Variants in ALOX12B observed in about 807,000 individuals in gnomAD.
The protein encoded by ALOX12B is arachidonate 12-lipoxygenase, 12R-type.
A neutral mutation model predicts 78.9 loss-of-function variants in ALOX12B; 47 were observed. The ratio of observed to expected loss-of-function variants is 0.60; its 90% CI spans 0.47 to 0.76. The LOEUF (loss-of-function observed/expected upper bound fraction) is 0.76. ALOX12B is among the 30% of genes least tolerant of loss of function. ALOX12B has a pLI of 0.00. For missense variants in ALOX12B, 805 were observed against 922.6 expected, an observed-to-expected ratio of 0.87 and a Z score of 1.65; for synonymous variants, 370 against 374.5, an observed-to-expected ratio of 0.99 and a Z score of 0.14.
At position 8,079,785 on chromosome 17, in the gene ALOX12B, A is replaced by C; in HGVS notation, c.911T>G (p.Leu304Trp). Residue 304 changes from leucine (L) to tryptophan (W), a missense_variant, in exon 7 of 15, where the codon TTG (leucine) becomes TGG (tryptophan). Transcript: ENST00000647874. The surrounding 1 kb of genome is among the most constrained non-coding windows in gnomAD (Gnocchi z 6.4). ...VAPFLGEGTC[L>W]QAELEKGNIY... ...GGGCCTCACCTCCAGCTCCGCTTGC[A>C]AGCACGTTCCCTCGCCCAGGAACGG... 6.2e-7 allele frequency: 1 copy of C among 1,612,694 alleles called. No homozygotes were observed. Among genetic ancestry groups the C allele is most frequent in the Non-Finnish European group, 8.5e-7 (1 of 1,179,798 alleles).
chr17:8,073,092 C>G, intron 14 of ALOX12B, 56 bp downstream of exon 14: 1 of 1,612,064 alleles, frequency 6.2e-7, no homozygotes, highest in Non-Finnish European at 8.5e-7. Flanking sequence ...TATCCTCCCC[C>G]ATCCCCGGCT....
Position 8,079,435 on chromosome 17 carries a change from G to C in ALOX12B, c.1032C>G (p.His344Gln). ...GCATCATCTTGCCCTCGGGTCCAAA[G>C]TGCAGCAGGCAGAGGGGGGCGCAGT... Reference protein sequence around the residue: ...QHHCAPLCLLHFGPEGKMMPI... With the variant: ...QHHCAPLCLLQFGPEGKMMPI... The change falls in exon 8 of 15, where the codon CAC (histidine) becomes CAG (glutamine). Residue 344 changes from histidine to glutamine, a missense_variant. Transcript: ENST00000647874. The surrounding 1 kb of genome is among the most constrained non-coding windows in gnomAD (Gnocchi z 6.4). 6.4e-7 allele frequency: 1 copy of C among 1,551,432 alleles called. No individual in the cohort carries two copies. Among genetic ancestry groups the C allele is most frequent in the Non-Finnish European group, 8.7e-7 (1 of 1,147,188 alleles).
rs1481642422 is a variant in ALOX12B, at chr17:8,079,967, CA to C, written c.755-27del. ...CTGCGAGGACGGCGCGAGGGCGTCACAAGGAGGCCCGGCCCCCCTCGGGGAC... is the reference window on the plus strand; with the variant it reads ...CTGCGAGGACGGCGCGAGGGCGTCACAGGAGGCCCGGCCCCCCTCGGGGAC... On this transcript the variant is annotated intron_variant, in intron 6 of 14. Coordinates refer to ENST00000647874, the MANE Select transcript of ALOX12B (RefSeq NM_001139.3). The surrounding 1 kb of genome is among the most constrained non-coding windows in gnomAD (Gnocchi z 6.4). 6.2e-7 allele frequency: 1 copy of C among 1,604,484 alleles called. No individual in the cohort carries two copies. The highest frequency in any genetic ancestry group is 1.3e-5 in the African/African-American group (1 of 74,776).
chr17:8,084,824 G>A (rs1165061906), intron 2 of ALOX12B, among the ~76,000 whole-genome samples: 6 of 152,198 alleles, frequency 3.9e-5, no homozygotes, highest in East Asian at 3.9e-4. Flanking sequence ...CTCAGGTGGT[G>A]GAACTGGGAG....
rs564636057 is a variant in ALOX12B, at chr17:8,083,469, G to A, written c.353-2282C>T. On this transcript the variant is annotated intron_variant, in intron 2 of 14. Transcript: ENST00000647874. ...GTTCAGGCCAGGTGCGGTGGTTCACGCCTGTAATCCCAGCACTTTGGGCGG... is the reference window on the plus strand; with the variant it reads ...GTTCAGGCCAGGTGCGGTGGTTCACACCTGTAATCCCAGCACTTTGGGCGG... Among the ~76,000 whole-genome samples the A allele has an allele frequency of 6.3e-4, 96 of 152,078 alleles. 1 individual carries two copies. The highest frequency in any genetic ancestry group is 4.1e-3 in the South Asian group (20 of 4,820).
At position 8,076,726 on chromosome 17, in the gene ALOX12B, G is replaced by C. The variant is rs751328572; in HGVS notation, c.1293C>G (p.Thr431=). Residue 431 remains threonine, a synonymous_variant, in exon 10 of 15, where the codon ACC becomes ACG. Transcript: ENST00000647874. ...HPLYKLLIPH[T]RYTVQINSIG... ...TGCTGTTGATCTGGACGGTGTATCG[G>C]GTATGGGGGATGAGGAGCTGTGGGG... The C allele has an allele frequency of 6.4e-7, 1 of 1,550,552 alleles. No homozygotes were observed. The highest frequency in any genetic ancestry group is 1.2e-5 in the South Asian group (1 of 84,004).
Position 8,080,877 on chromosome 17 carries a change from T to G in ALOX12B, c.527+7A>C. ...GGGCGGGGCCCAGCACAGCTTCGGG[T>G]CCTTACTCAGGCCGGTTGGGGTTGC... On this transcript the variant is annotated splice_region_variant and intron_variant, in intron 4 of 14. Transcript: ENST00000647874. This position sits in a 1 kb window ranked among gnomAD's most constrained non-coding sequence, Gnocchi z 4.8. The G allele has an allele frequency of 6.2e-7, 1 of 1,613,548 alleles. No individual in the cohort carries two copies. Among genetic ancestry groups the G allele is most frequent in the Non-Finnish European group, 8.5e-7 (1 of 1,179,926 alleles).
rs775295867 is a variant in ALOX12B at position 8,077,116 on chromosome 17, C to G, written c.1149G>C (p.Thr383=). The change falls in exon 9 of 15, where the codon ACG becomes ACC. Residue 383 remains threonine (T), a synonymous_variant. Transcript: ENST00000647874. ...DSEWDWLLAK[T]WVRYAEFYSH... ...TGTAGAACTCCGCATAGCGTACCCA[C>G]GTCTTGGCTAGCAGCCAGTCCCACT... The G allele has an allele frequency of 1.2e-6, 2 of 1,613,776 alleles. No homozygotes were observed. Among genetic ancestry groups the G allele is most frequent in the Non-Finnish European group, 1.7e-6 (2 of 1,180,008 alleles).
chr17:8,087,606 A>G lies in ALOX12B; in HGVS notation c.-164T>C. On this transcript the variant is annotated 5_prime_UTR_variant, in exon 1 of 15. Coordinates refer to ENST00000647874, the MANE Select transcript of ALOX12B (RefSeq NM_001139.3). Reference sequence around the variant, plus strand: ...GCGAGGTGGGGTGACTAGGCCTGCCAGCCAAATTCTGGAAAAGCTGCTGCC... The same window carrying G: ...GCGAGGTGGGGTGACTAGGCCTGCCGGCCAAATTCTGGAAAAGCTGCTGCC... The G allele has an allele frequency of 8.3e-7, 1 of 1,206,308 alleles. No individual in the cohort carries two copies. The highest frequency in any genetic ancestry group is 1.2e-6 in the Non-Finnish European group (1 of 856,972). The allele number at this position is 1,206,308 out of a possible 1,614,324, so 74.7% of individuals were successfully genotyped here.
rs376969209 is a variant in ALOX12B, at chr17:8,076,675, C to T, written c.1344G>A (p.Glu448=). The change falls in exon 10 of 15, where the codon GAG becomes GAA. Residue 448 remains glutamate (E), a synonymous_variant. Coordinates refer to ENST00000647874, the MANE Select transcript of ALOX12B (RefSeq NM_001139.3). ...NSIGRAVLLN[E]GGLSAKGMSL... is the part of the protein sequence containing the mutation. ...GTCTTACCTTGGCAGAGAGCCCCCC[C>T]TCATTGAGGAGAACGGCCCGGCCAA... The T allele has an allele frequency of 2.5e-5, 39 of 1,551,510 alleles. 1 individual carries two copies. Among genetic ancestry groups the T allele is most frequent in the Middle Eastern group, 1.7e-4 (1 of 5,718 alleles).
chr17:8,073,272 T>C lies in ALOX12B; in HGVS notation c.1802A>G (p.Asn601Ser). The change falls in exon 14 of 15, where the codon AAT becomes AGT. Residue 601 changes from asparagine to serine, a missense_variant. Physicochemically the swap from Asn to Ser is conservative, Grantham distance 46. Transcript: ENST00000647874. ...WMPNFPASMR[N>S]PPIQTKGLTT... ...CAGCCCCTTAGTCTGAATCGGTGGATTCCGCATGGACGCTGGGAAGTTGGG... is the reference window on the plus strand; with the variant it reads ...CAGCCCCTTAGTCTGAATCGGTGGACTCCGCATGGACGCTGGGAAGTTGGG... 6.2e-7 allele frequency: 1 copy of C among 1,614,184 alleles called. No individual in the cohort carries two copies. The highest frequency in any genetic ancestry group is 8.5e-7 in the Non-Finnish European group (1 of 1,180,040).
chr17:8,073,150 T>C lies in ALOX12B; in HGVS notation c.1924A>G (p.Arg642Gly). The C allele has an allele frequency of 6.2e-7, 1 of 1,614,122 alleles. No homozygotes were observed. Among genetic ancestry groups the C allele is most frequent in the Non-Finnish European group, 8.5e-7 (1 of 1,180,020 alleles). The change falls in exon 14 of 15, where the codon AGG becomes GGG. Residue 642 changes from arginine to glycine, a missense_variant and splice_region_variant. Coordinates refer to ENST00000647874, the MANE Select transcript of ALOX12B (RefSeq NM_001139.3). ...LWTLSREPDD[R>G]RPLGHFPDIH... is the part of the protein sequence containing the mutation. Reference sequence around the variant, plus strand: ...GAGTCCCCCATCCCGTCTCGCACCCTGTCGTCAGGCTCTCGGCTGAGGGTC... The same window carrying C: ...GAGTCCCCCATCCCGTCTCGCACCCCGTCGTCAGGCTCTCGGCTGAGGGTC...
Position 8,080,865 on chromosome 17 carries a change from C to G in ALOX12B, c.527+19G>C, listed in dbSNP as rs1472020292. On this transcript the variant is annotated intron_variant, in intron 4 of 14. Coordinates refer to ENST00000647874, the MANE Select transcript of ALOX12B (RefSeq NM_001139.3). This position sits in a 1 kb window ranked among gnomAD's most constrained non-coding sequence, Gnocchi z 4.8. ...GGGGAAAACCATGGGCGGGGCCCAG[C>G]ACAGCTTCGGGTCCTTACTCAGGCC... 4 of 1,613,910 alleles carry G rather than the reference C, an allele frequency of 2.5e-6. No homozygotes were observed. The highest frequency in any genetic ancestry group is 3.4e-6 in the Non-Finnish European group (4 of 1,179,978).
At chr17:8,077,248 A>G (rs912159910) in intron 8 of ALOX12B, 55 bp from the exon 9 acceptor site, 16 of 1,526,792 alleles carry the variant, frequency 1.0e-5, no homozygotes, top group Non-Finnish European at 1.3e-5. Flanking sequence ...ACACACATAA[A>G]GGCCCCACCG....
chr17:8,078,888 C>T (rs1046913836), intron 8 of ALOX12B, among the ~76,000 whole-genome samples: 64 of 139,160 alleles, frequency 4.6e-4, no homozygotes, highest in Middle Eastern at 3.3e-3. Flanking sequence ...TATGTAAATA[C>T]TGGGACTTTT....
rs1978307753 is a variant in ALOX12B, at chr17:8,087,715, C to T, written c.-273G>A. 1.8e-6 allele frequency: 1 copy of T among 544,322 alleles called. No homozygotes were observed. The highest frequency in any genetic ancestry group is 3.3e-6 in the Non-Finnish European group (1 of 301,550). The allele number at this position is 544,322 out of a possible 1,614,324, so 33.7% of individuals were successfully genotyped here. On this transcript the variant is annotated 5_prime_UTR_variant, in exon 1 of 15. Transcript: ENST00000647874. ...AGCAGGTGTCTGGGCTCCAAGCCTT[C>T]TGGGAGCTGGTGGGGAGGAAGAGCA...
intron 12 of ALOX12B, among the ~76,000 whole-genome samples, chr17:8,075,310 TG>T (rs1051081975): frequency 2.0e-5 from 3 of 152,170 alleles, no homozygotes; most frequent in Non-Finnish European, 4.4e-5. Context: ...GATTTGTTTC[TG>T]GGGTGGGGCT....
At position 8,073,765 on chromosome 17, in the gene ALOX12B, G is replaced by A; in HGVS notation, c.1655-8C>T. On this transcript the variant is annotated splice_polypyrimidine_tract_variant and splice_region_variant and intron_variant, in intron 12 of 14. Transcript: ENST00000647874. ...GCAAGCACCTAGGGAAGCCTGACCG[G>A]CGGGGGAAAAGCCCAGGCGACATCA... The A allele has an allele frequency of 1.2e-6, 2 of 1,612,552 alleles. No homozygotes were observed. The highest frequency in any genetic ancestry group is 1.7e-6 in the Non-Finnish European group (2 of 1,178,866).
rs201492515 is a variant in ALOX12B at position 8,073,137 on chromosome 17, C to G, written c.1926+11G>C. The G allele has an allele frequency of 5.9e-5, 95 of 1,614,066 alleles. No homozygotes were observed. Among genetic ancestry groups the G allele is most frequent in the Non-Finnish European group, 8.0e-5 (94 of 1,180,030 alleles). On this transcript the variant is annotated intron_variant, in intron 14 of 14. Coordinates refer to ENST00000647874, the MANE Select transcript of ALOX12B (RefSeq NM_001139.3). Reference sequence around the variant, plus strand: ...CTCCCTGTGCTCAGAGTCCCCCATCCCGTCTCGCACCCTGTCGTCAGGCTC... The same window carrying G: ...CTCCCTGTGCTCAGAGTCCCCCATCGCGTCTCGCACCCTGTCGTCAGGCTC...
Sources: gnomAD v4.1 joint callset for allele counts (sites outside exome capture counted in the v4.1 genomes callset) on GRCh38, gnomAD v4.1.1 for gene constraint, Gnocchi (gnomAD v3.1) non-coding constraint, MANE v1.5 for transcripts, NCBI Gene and HGNC (gene_info 2026-07-23, HGNC 2026-07-21) for gene names.